The following DNM3 variants were observed in gnomAD, a reference collection of about 807,000 sequenced individuals.
DNM3 encodes dynamin-3.
Under a neutral mutation model 101.6 loss-of-function variants are expected in DNM3, and 47 were observed. That is an observed-to-expected ratio of 0.46 (90% CI 0.37 to 0.59). DNM3 has a LOEUF of 0.59. DNM3 is among the 20% of genes least tolerant of loss of function. The pLI, the probability that DNM3 is intolerant of heterozygous loss-of-function variation, is 0.00. For synonymous variants in DNM3, 385 were observed against 387.9 expected, an observed-to-expected ratio of 0.99 and a Z score of 0.09; for missense variants, 849 against 1,085.7, an observed-to-expected ratio of 0.78 and a Z score of 3.06.
At chr1:172,219,941 T>A (rs1464635746) in intron 14 of DNM3, among the ~76,000 whole-genome samples, 1 of 152,162 alleles carries the variant, frequency 6.6e-6, no homozygotes, top group African/African-American at 2.4e-5. Context: ...GAGCAGGGAA[T>A]TTTTTAAAAG....
At chr1:172,218,659 C>T (rs1439954776) in intron 14 of DNM3, among the ~76,000 whole-genome samples, 1 of 151,980 alleles carries the variant, frequency 6.6e-6, no homozygotes. Flanking sequence ...ATATGTGGCT[C>T]CAAGGACTTC....
intron 14 of DNM3, among the ~76,000 whole-genome samples, chr1:172,147,331 G>C (rs918461179): frequency 6.6e-6 from 1 of 152,110 alleles, no homozygotes; most frequent in Admixed American, 6.6e-5. Flanking sequence ...TCTTACGTCT[G>C]TAAAGTTATC....
chr1:171,862,245 CAAATT>C (rs1157116589), intron 1 of DNM3, among the ~76,000 whole-genome samples: 6 of 152,068 alleles, frequency 3.9e-5, no homozygotes, highest in African/African-American at 1.4e-4. Context: ...ATGCTGAAGA[CAAATT>C]AAAACACAAA....
At chr1:171,981,849 G>A (rs894320888) in intron 2 of DNM3, among the ~76,000 whole-genome samples, 1 of 152,084 alleles carries the variant, frequency 6.6e-6, no homozygotes, top group East Asian at 1.9e-4. Flanking sequence ...AATAAGACAG[G>A]TTATACTGCG....
chr1:171,977,015 TTACTC>T (rs2044424277), intron 2 of DNM3, among the ~76,000 whole-genome samples: 2 of 152,352 alleles, frequency 1.3e-5, no homozygotes, highest in Non-Finnish European at 2.9e-5. Flanking sequence ...TTGCTTTTAA[TTACTC>T]TATAGATTTT....
intron 15 of DNM3, among the ~76,000 whole-genome samples, chr1:172,284,534 G>A (rs914600225): frequency 6.6e-6 from 1 of 152,008 alleles, no homozygotes; most frequent in African/African-American, 2.4e-5. Context: ...ACCCCTAAGG[G>A]CCTAGCACAA....
At chr1:172,301,924 C>T (rs1448318493) in intron 15 of DNM3, among the ~76,000 whole-genome samples, 1 of 152,040 alleles carries the variant, frequency 6.6e-6, no homozygotes, top group East Asian at 1.9e-4. Flanking sequence ...CCAAGATGAC[C>T]GAATAGTAAC....
At chr1:172,025,265 G>C (rs1454101146) in intron 4 of DNM3, among the ~76,000 whole-genome samples, 2 of 152,182 alleles carry the variant, frequency 1.3e-5, no homozygotes, top group Non-Finnish European at 2.9e-5. Flanking sequence ...CCTCCTCTCT[G>C]GGCAGGGCAT....
At chr1:172,298,806 T>C (rs2064287340) in intron 15 of DNM3, among the ~76,000 whole-genome samples, 1 of 109,268 alleles carries the variant, frequency 9.2e-6, no homozygotes, top group South Asian at 2.9e-4. Context: ...CATAACTAAA[T>C]ATAAAAGCAA....
At chr1:171,941,827 T>A (rs2041834940) in intron 2 of DNM3, among the ~76,000 whole-genome samples, 1 of 152,212 alleles carries the variant, frequency 6.6e-6, no homozygotes, top group African/African-American at 2.4e-5. Context: ...TTTCTAATTA[T>A]GCCCAACAGC....
At chr1:172,289,954 T>A in intron 15 of DNM3, 1 of 931,046 alleles carries the variant, frequency 1.1e-6, no homozygotes, top group Non-Finnish European at 1.3e-6. Flanking sequence ...TAAAAGACAA[T>A]TTATAGTCCT....
intron 13 of DNM3, among the ~76,000 whole-genome samples, chr1:172,107,930 A>G (rs906402539): frequency 1.9e-4 from 29 of 152,132 alleles, no homozygotes; most frequent in African/African-American, 6.5e-4. Context: ...TTCTTAAGGT[A>G]TTTCAAGGAG....
At chr1:171,932,993 CT>C (rs905360846) in intron 2 of DNM3, among the ~76,000 whole-genome samples, 6 of 151,700 alleles carry the variant, frequency 4.0e-5, no homozygotes, top group Admixed American at 3.9e-4. Context: ...ACCATTCCTT[CT>C]TTTTTTTTCC....
chr1:172,169,377 T>C (rs1312042879), intron 14 of DNM3, among the ~76,000 whole-genome samples: 1 of 151,880 alleles, frequency 6.6e-6, no homozygotes, highest in African/African-American at 2.4e-5. Context: ...CAGAAGAAAA[T>C]GATTCATTCT....
intron 16 of DNM3, among the ~76,000 whole-genome samples, chr1:172,322,689 G>A (rs956479422): frequency 5.9e-5 from 9 of 152,094 alleles, no homozygotes; most frequent in Admixed American, 1.3e-4. Flanking sequence ...TACAGTCCTT[G>A]CTTCCCATGC....
At chr1:171,945,726 G>C (rs2042132137) in intron 2 of DNM3, among the ~76,000 whole-genome samples, 1 of 152,082 alleles carries the variant, frequency 6.6e-6, no homozygotes, top group Non-Finnish European at 1.5e-5. Flanking sequence ...GGAAACAAGA[G>C]ACAAGAGGCT....
intron 2 of DNM3, among the ~76,000 whole-genome samples, chr1:171,957,722 A>G (rs2042956968): frequency 1.3e-5 from 2 of 152,326 alleles, no homozygotes; most frequent in Non-Finnish European, 2.9e-5. Flanking sequence ...CTGCTAAAAC[A>G]TAGCAAGAGT....
chr1:172,283,780 A>AAAAAAAAAAAAAAAAAAAAAGAAAG (rs1553221113), intron 15 of DNM3, among the ~76,000 whole-genome samples: 5 of 119,110 alleles, frequency 4.2e-5, no homozygotes, highest in Admixed American at 9.0e-5. Flanking sequence ...AAAAAAAAAA[A>AAAAAAAAAAAAAAAAAAAAAGAAAG]AAAGAAAGAA....
At chr1:172,336,789 T>C (rs1177416358) in intron 17 of DNM3, among the ~76,000 whole-genome samples, 1 of 151,918 alleles carries the variant, frequency 6.6e-6, no homozygotes, top group Non-Finnish European at 1.5e-5. Flanking sequence ...GATAAGGGAA[T>C]GCAGAGTTTT....
Sources: gnomAD v4.1 joint callset for allele counts (sites outside exome capture counted in the v4.1 genomes callset) on GRCh38, gnomAD v4.1.1 for gene constraint, MANE v1.5 for transcripts, NCBI Gene and HGNC (gene_info 2026-07-23, HGNC 2026-07-21) for gene names.